DNAH5: variants seen among roughly 807,000 people sequenced by gnomAD.
The protein encoded by DNAH5 is axonemal beta dynein heavy chain 5.
A neutral mutation model predicts 518.2 loss-of-function variants in DNAH5; 372 were observed. That is an observed-to-expected ratio of 0.72 (90% CI 0.66 to 0.78). DNAH5 has a LOEUF of 0.78. Ranked by LOEUF, DNAH5 falls within the 30% of genes least tolerant of loss-of-function variation. The pLI is 0.00. For synonymous variants in DNAH5, 2,039 were observed against 2,025.9 expected, an observed-to-expected ratio of 1.01 and a Z score of -0.17; for missense variants, 5,523 against 5,687.0, an observed-to-expected ratio of 0.97 and a Z score of 0.93.
chr5:13,713,150 G>C (rs1450541528), intron 75 of DNAH5, among the ~76,000 whole-genome samples: 1 of 131,426 alleles, frequency 7.6e-6, no homozygotes, highest in African/African-American at 2.9e-5. Flanking sequence ...TATATATACC[G>C]ACATATATAT....
intron 62 of DNAH5, 41 bp from the exon 63 acceptor site, chr5:13,753,590 A>G (rs1214018381): frequency 1.3e-6 from 2 of 1,521,578 alleles, no homozygotes; most frequent in Admixed American, 3.4e-5. Flanking sequence ...CTTTACGTTC[A>G]TCCGTGTGAT....
Position 13,843,454 on chromosome 5 carries a change from C to T in DNAH5, c.5271+1383G>A, listed in dbSNP as rs115010465. 4.8e-3 allele frequency among the ~76,000 whole-genome samples: 727 copies of T among 152,214 alleles called. 3 individuals carry two copies. Among genetic ancestry groups the T allele is most frequent in the Non-Finnish European group, 8.0e-3 (541 of 68,004 alleles). On this transcript the variant is annotated intron_variant, in intron 32 of 78. Coordinates refer to ENST00000265104, the MANE Select transcript of DNAH5 (RefSeq NM_001369.3). ...CTCCCTGTTGTGGGTTGAATTGTGTCTCTCAAAAAGATATACTGAAGTCCT... is the reference window on the plus strand; with the variant it reads ...CTCCCTGTTGTGGGTTGAATTGTGTTTCTCAAAAAGATATACTGAAGTCCT...
At chr5:13,733,529 A>G (rs556335511) in intron 68 of DNAH5, among the ~76,000 whole-genome samples, 7 of 152,188 alleles carry the variant, frequency 4.6e-5, no homozygotes, top group Non-Finnish European at 1.0e-4. Context: ...TTCTCTCCAG[A>G]GACTCATCTG....
intron 21 of DNAH5, among the ~76,000 whole-genome samples, chr5:13,881,748 C>T (rs1771708344): frequency 6.6e-6 from 1 of 151,890 alleles, no homozygotes; most frequent in African/African-American, 2.4e-5. Flanking sequence ...ATCTCAAATA[C>T]ATAACCTAAA....
intron 69 of DNAH5, among the ~76,000 whole-genome samples, chr5:13,727,915 T>C (rs1358245760): frequency 6.6e-6 from 1 of 152,182 alleles, no homozygotes; most frequent in Non-Finnish European, 1.5e-5. Context: ...ATTTCTTCTA[T>C]GCCTTTGTGG....
intron 49 of DNAH5, 152 bp from the exon 50 acceptor site, chr5:13,792,369 T>G (rs1403957716): frequency 3.0e-6 from 2 of 659,274 alleles, no homozygotes; most frequent in African/African-American, 3.6e-5. Context: ...GTTCTCTTGT[T>G]TTTTCAAATA....
intron 61 of DNAH5, among the ~76,000 whole-genome samples, chr5:13,758,043 C>T (rs1751247974): frequency 6.7e-6 from 1 of 149,070 alleles, no homozygotes; most frequent in Admixed American, 6.7e-5. Context: ...TTTATTAAGC[C>T]AAAAGCTTAT....
intron 61 of DNAH5, 127 bp downstream of exon 61, chr5:13,758,719 T>C (rs1751353242): frequency 1.4e-5 from 19 of 1,355,388 alleles, no homozygotes; most frequent in Non-Finnish European, 2.0e-5. Flanking sequence ...TCAAAGACCC[T>C]TGGTGTCCAT....
chr5:13,805,826 G>A (rs1482690597), intron 47 of DNAH5, among the ~76,000 whole-genome samples: 2 of 152,194 alleles, frequency 1.3e-5, no homozygotes, highest in Non-Finnish European at 2.9e-5. Flanking sequence ...CTGAGGGAAT[G>A]GCCTAATTTG....
At chr5:13,778,519 G>A (rs930139673) in intron 53 of DNAH5, among the ~76,000 whole-genome samples, 1 of 140,582 alleles carries the variant, frequency 7.1e-6, no homozygotes, top group African/African-American at 2.7e-5. Context: ...AGGGAGGGGA[G>A]AGAAAGTGAG....
At chr5:13,756,110 A>G (rs1750968788) in intron 61 of DNAH5, among the ~76,000 whole-genome samples, 1 of 152,204 alleles carries the variant, frequency 6.6e-6, no homozygotes, top group Non-Finnish European at 1.5e-5. Context: ...CAGCAGGCCT[A>G]GGCAAGCTGA....
chr5:13,973,737 A>G (rs928221727), intron 1 of DNAH5, among the ~76,000 whole-genome samples: 4 of 144,884 alleles, frequency 2.8e-5, no homozygotes, highest in Non-Finnish European at 1.5e-5. Flanking sequence ...AAAAAAAAAA[A>G]CAAAAAACTT....
chr5:13,900,055 ACT>A, intron 15 of DNAH5, 149 bp downstream of exon 15: 1 of 708,452 alleles, frequency 1.4e-6, no homozygotes, highest in Middle Eastern at 3.6e-4. Flanking sequence ...GCCCCAGCCA[ACT>A]CTGCAGCTGC....
intron 38 of DNAH5, among the ~76,000 whole-genome samples, chr5:13,825,121 C>A (rs985551188): frequency 6.6e-6 from 1 of 152,074 alleles, no homozygotes; most frequent in Admixed American, 6.6e-5. Context: ...TGGGGCAGAT[C>A]ACTTAAGGCC....
intron 1 of DNAH5, among the ~76,000 whole-genome samples, chr5:14,008,393 C>T (rs1043155308): frequency 4.2e-5 from 6 of 144,512 alleles, no homozygotes; most frequent in South Asian, 2.2e-4. Context: ...GAGGCCGAGG[C>T]GGGTGGGTTA....
At position 13,786,351 on chromosome 5, in the gene DNAH5, C is replaced by T. The variant is rs1432322192; in HGVS notation, c.8648G>A (p.Gly2883Asp). 3 of 1,613,952 alleles carry T rather than the reference C, an allele frequency of 1.9e-6. No individual in the cohort carries two copies. The highest frequency in any genetic ancestry group is 1.7e-5 in the Admixed American group (1 of 60,002). Residue 2883 changes from glycine (G) to aspartate (D), a missense_variant and splice_region_variant, in exon 52 of 79, where the codon GGT (glycine) becomes GAT (aspartate). Physicochemically the swap from Gly to Asp is moderately conservative, Grantham distance 94 (BLOSUM62 -1). Coordinates refer to ENST00000265104, the MANE Select transcript of DNAH5 (RefSeq NM_001369.3). ...AGCATCAGCCTCTTCAGATGTTTCACCTTTGGTGGGAAATAAGAATCAGTT... is the reference window on the plus strand; with the variant it reads ...AGCATCAGCCTCTTCAGATGTTTCATCTTTGGTGGGAAATAAGAATCAGTT... ...DFLRDAPEAAGETSEEADAET... is the reference protein window; with the variant it reads ...DFLRDAPEAADETSEEADAET...
rs372432790 is a variant in DNAH5, at chr5:13,891,065, C to T, written c.2488G>A (p.Ala830Thr). 5.0e-6 allele frequency: 8 copies of T among 1,613,956 alleles called. No individual in the cohort carries two copies. The highest frequency in any genetic ancestry group is 6.8e-6 in the Non-Finnish European group (8 of 1,179,996). Residue 830 changes from alanine to threonine, a missense_variant, in exon 17 of 79, where the codon GCC (alanine) becomes ACC (threonine). Physicochemically the swap from Ala to Thr is moderately conservative, Grantham distance 58. Coordinates refer to ENST00000265104, the MANE Select transcript of DNAH5 (RefSeq NM_001369.3). ...GTGCTGCTCATTTCTTCTAGAATGG[C>T]ATCAATGCGGAACTCAATCAAATCA... Reference protein sequence around the residue: ...VNDLIEFRIDAILEEMSSTPL... With the variant: ...VNDLIEFRIDTILEEMSSTPL...
At chr5:13,943,014 T>G (rs370904081) in intron 1 of DNAH5, among the ~76,000 whole-genome samples, 12 of 152,320 alleles carry the variant, frequency 7.9e-5, no homozygotes, top group African/African-American at 2.9e-4. Context: ...AATATTATAC[T>G]TCAGTGGAGT....
chr5:13,705,028 G>C (rs1055812005), intron 76 of DNAH5, among the ~76,000 whole-genome samples: 1 of 150,098 alleles, frequency 6.7e-6, no homozygotes, highest in Non-Finnish European at 1.5e-5. Context: ...GTCTCGCTCT[G>C]TCACCCAGGC....
Sources: allele counts gnomAD v4.1 joint callset (sites outside exome capture counted in the v4.1 genomes callset), GRCh38; gene constraint gnomAD v4.1.1; transcripts MANE v1.5; gene names NCBI Gene and HGNC (gene_info 2026-07-23, HGNC 2026-07-21).